Variants in PNLDC1 observed in about 807,000 individuals in gnomAD.
PNLDC1 encodes the protein PARN like ribonuclease domain containing exonuclease 1.
Under a neutral mutation model 82.0 loss-of-function variants are expected in PNLDC1, and 70 were observed. The observed-to-expected ratio is 0.85, with a 90% CI of 0.70 to 1.04. The LOEUF (loss-of-function observed/expected upper bound fraction) is 1.04, where lower values mean the gene tolerates loss of function less well. PNLDC1 is among the 50% of genes least tolerant of loss of function. The pLI is 0.00. For missense variants in PNLDC1, 631 were observed against 661.1 expected, an observed-to-expected ratio of 0.95 and a Z score of 0.50; for synonymous variants, 280 against 249.3, an observed-to-expected ratio of 1.12 and a Z score of -1.16.
upstream of PNLDC1, among the ~76,000 whole-genome samples, chr6:159,799,502 T>C (rs1399789460): frequency 6.6e-6 from 1 of 152,072 alleles, no homozygotes; most frequent in African/African-American, 2.4e-5. Flanking sequence ...ACCTTAAAGA[T>C]TGATTTGAGC....
At chr6:159,817,640 C>A (rs1562506715) in intron 15 of PNLDC1, among the ~76,000 whole-genome samples, 1 of 152,216 alleles carries the variant, frequency 6.6e-6, no homozygotes, top group Non-Finnish European at 1.5e-5. Flanking sequence ...CATGGCAACA[C>A]CATCTTTGAT....
chr6:159,808,264 G>A (rs189813787), intron 7 of PNLDC1, among the ~76,000 whole-genome samples: 83 of 152,304 alleles, frequency 5.4e-4, no homozygotes, highest in African/African-American at 1.6e-3. Flanking sequence ...TCAACAGATT[G>A]GATGCAAATG....
intron 13 of PNLDC1, among the ~76,000 whole-genome samples, chr6:159,816,235 G>A (rs1440163329): frequency 1.1e-5 from 1 of 86,970 alleles, no homozygotes; most frequent in Non-Finnish European, 2.4e-5. Flanking sequence ...GTTTGTGTGG[G>A]GTTTTCCTTC....
At chr6:159,816,240 T>C in intron 13 of PNLDC1, among the ~76,000 whole-genome samples, 1 of 95,254 alleles carries the variant, frequency 1.0e-5, no homozygotes, top group Non-Finnish European at 2.2e-5. Context: ...TGTGGGGTTT[T>C]CCTTCACTCT....
In PNLDC1 at chr6:159,800,828, A is replaced by C. The variant is rs748985786; in HGVS notation, c.133A>C (p.Ser45Arg). 9 of 1,614,180 alleles carry C rather than the reference A, an allele frequency of 5.6e-6. No individual in the cohort carries two copies. ...TAACCTGTCTGGGCCCCAGCAGATC[A>C]GGTAAAACTAAAGCTGTGTCCCCTC... ...RSNLSGPQQI[S>R]LFDLPSEWYL... The change falls in exon 2 of 19, where the codon AGT becomes CGT. Residue 45 changes from serine to arginine, a missense_variant and splice_region_variant. Transcript: ENST00000392167.
rs779777105 is a variant in PNLDC1 at position 159,818,567 on chromosome 6, G to C, written c.1170G>C (p.Val390=). 1.2e-6 allele frequency: 2 copies of C among 1,613,748 alleles called. No individual in the cohort carries two copies. The highest frequency in any genetic ancestry group is 4.5e-5 in the East Asian group (2 of 44,882). Residue 390 remains valine, a synonymous_variant, in exon 16 of 19, where the codon GTG becomes GTC. Transcript: ENST00000392167. ...LLQKIYHIDP[V]PESSFPQYLD... ...TCTGTCCTTGCAGCATCGACCCCGT[G>C]CCCGAGTCATCCTTTCCTCAGTACC...
At chr6:159,818,113 C>T (rs570935414) in intron 15 of PNLDC1, among the ~76,000 whole-genome samples, 10 of 152,286 alleles carry the variant, frequency 6.6e-5, no homozygotes, top group East Asian at 1.9e-4. Context: ...GTGGTTTTGC[C>T]GGGGCCCTGC....
chr6:159,803,244 T>G, intron 3 of PNLDC1, 27 bp from the exon 4 acceptor site: 1 of 1,613,152 alleles, frequency 6.2e-7, no homozygotes, highest in Non-Finnish European at 8.5e-7. Context: ...TCCTTGGCAT[T>G]CATTCCCTCT....
intron 7 of PNLDC1, among the ~76,000 whole-genome samples, chr6:159,806,410 G>GT (rs1398288566): frequency 6.6e-6 from 1 of 152,210 alleles, no homozygotes; most frequent in Non-Finnish European, 1.5e-5. Context: ...CCAGCATGTG[G>GT]TGTGGAGCCA....
At chr6:159,799,520 T>C (rs1781157827), upstream of PNLDC1, among the ~76,000 whole-genome samples, 1 of 152,192 alleles carries the variant, frequency 6.6e-6, no homozygotes, top group African/African-American at 2.4e-5. Context: ...AGCACCTCAC[T>C]TTGAGGACCA....
At chr6:159,808,157 G>A (rs568847130) in intron 7 of PNLDC1, among the ~76,000 whole-genome samples, 76 of 152,030 alleles carry the variant, frequency 5.0e-4, no homozygotes, top group Non-Finnish European at 9.9e-4. Flanking sequence ...CAGGTGATCC[G>A]CCCTCCTCAG....
chr6:159,811,962 C>T (rs939980235), intron 11 of PNLDC1, among the ~76,000 whole-genome samples, 176 bp downstream of exon 11: 12 of 151,970 alleles, frequency 7.9e-5, no homozygotes, highest in African/African-American at 1.4e-4. Flanking sequence ...TGCAATGGCG[C>T]GATCTCAGCT....
At chr6:159,806,888 C>CTTT (rs34866272) in intron 7 of PNLDC1, among the ~76,000 whole-genome samples, 4 of 107,756 alleles carry the variant, frequency 3.7e-5, no homozygotes, top group African/African-American at 1.0e-4. Flanking sequence ...AATTAGCTGC[C>CTTT]TTTTTTTTTT....
At chr6:159,801,358 C>T (rs1169576670) in intron 3 of PNLDC1, among the ~76,000 whole-genome samples, 172 bp downstream of exon 3, 2 of 152,148 alleles carry the variant, frequency 1.3e-5, no homozygotes, top group African/African-American at 4.8e-5. Flanking sequence ...CGGAGCAAAC[C>T]AAATTTAGCA....
chr6:159,813,105 A>C (rs1238566722), intron 11 of PNLDC1, among the ~76,000 whole-genome samples: 2 of 152,200 alleles, frequency 1.3e-5, no homozygotes, highest in South Asian at 2.1e-4. Flanking sequence ...ATCCCTTACA[A>C]GTGAATTATC....
Position 159,817,111 on chromosome 6 carries a change from CT to C in PNLDC1, c.1121del (p.Leu374Ter). On this transcript the variant is annotated frameshift_variant, in exon 15 of 19. Transcript: ENST00000392167. LOFTEE classifies it high-confidence loss of function. ...AYDAFLCGSV[L>X]LKVAHLLLQK... The stretch of plus-strand genomic sequence containing the variant: ...TTTCTGTCTTTTTTCCTTCCTAGTT[CT>C]TTTGAAAGTGGCACACTTGCTTCTA... 2.5e-6 allele frequency: 4 copies of C among 1,611,908 alleles called. No individual in the cohort carries two copies. The highest frequency in any genetic ancestry group is 3.4e-6 in the Non-Finnish European group (4 of 1,178,234).
chr6:159,820,445 G>A lies in PNLDC1; in HGVS notation c.1533-9G>A, dbSNP rs746103422. 6.2e-7 allele frequency: 1 copy of A among 1,614,046 alleles called. No homozygotes were observed. Among genetic ancestry groups the A allele is most frequent in the Admixed American group, 1.7e-5 (1 of 60,028 alleles). On this transcript the variant is annotated splice_polypyrimidine_tract_variant and intron_variant, in intron 18 of 18. Transcript: ENST00000392167. ...GCCCCGGCCACTGACACGTGTCATT[G>A]TCTTGCAGAGTCTGTGGCATAGTGA...
chr6:159,817,655 G>A (rs1482308533), intron 15 of PNLDC1, among the ~76,000 whole-genome samples: 2 of 152,238 alleles, frequency 1.3e-5, no homozygotes, highest in Non-Finnish European at 2.9e-5. Flanking sequence ...TTTGATGCCT[G>A]CAGCCCTGGG....
At chr6:159,811,673 T>A in intron 10 of PNLDC1, 28 bp from the exon 11 acceptor site, 1 of 1,585,792 alleles carries the variant, frequency 6.3e-7, no homozygotes, top group Non-Finnish European at 8.7e-7. Flanking sequence ...ACAAATTCAC[T>A]CTTGACTACC....
Sources: allele counts gnomAD v4.1 joint callset (sites outside exome capture counted in the v4.1 genomes callset), GRCh38; gene constraint gnomAD v4.1.1; transcripts MANE v1.5; gene names NCBI Gene and HGNC (gene_info 2026-07-23, HGNC 2026-07-21).